The following NEO1 variants were observed in gnomAD, a reference collection of about 807,000 sequenced individuals.
The protein encoded by NEO1 is neogenin.
Under a neutral mutation model 159.7 loss-of-function variants are expected in NEO1, and 63 were observed. The ratio of observed to expected loss-of-function variants is 0.39; its 90% CI spans 0.32 to 0.49. The LOEUF is 0.49. Ranked by LOEUF, NEO1 falls within the 20% of genes least tolerant of loss-of-function variation. The pLI is 0.85. For synonymous variants in NEO1, 633 were observed against 662.0 expected (o/e 0.96, Z 0.67); for missense variants, 1,615 against 1,831.0 (o/e 0.88, Z 2.15).
At chr15:73,142,628 G>A (rs2032501349) in intron 5 of NEO1, among the ~76,000 whole-genome samples, 1 of 152,090 alleles carries the variant, frequency 6.6e-6, no homozygotes, top group South Asian at 2.1e-4. Flanking sequence ...GGATTTCAGG[G>A]GAGGGTAGAG....
intron 1 of NEO1, among the ~76,000 whole-genome samples, chr15:73,087,853 T>A (rs927436151): frequency 3.9e-5 from 6 of 152,128 alleles, no homozygotes; most frequent in African/African-American, 1.4e-4. Context: ...AAATACCATT[T>A]TATTTCTGGA....
At chr15:73,231,625 T>C (rs1482699861) in intron 7 of NEO1, among the ~76,000 whole-genome samples, 7 of 152,094 alleles carry the variant, frequency 4.6e-5, no homozygotes, top group Non-Finnish European at 5.9e-5. Flanking sequence ...TCCTAGCTGC[T>C]CAGGGAGGCT....
At chr15:73,235,670 C>T (rs1213333115) in intron 7 of NEO1, among the ~76,000 whole-genome samples, 3 of 152,176 alleles carry the variant, frequency 2.0e-5, no homozygotes, top group African/African-American at 7.2e-5. Context: ...AATGAATTGA[C>T]AAAACAGCAA....
chr15:73,101,861 T>C (rs761106148), intron 1 of NEO1, among the ~76,000 whole-genome samples: 2 of 152,260 alleles, frequency 1.3e-5, no homozygotes, highest in Non-Finnish European at 2.9e-5. Flanking sequence ...CTCAAGTCTC[T>C]CCTCTATTGC....
intron 4 of NEO1, among the ~76,000 whole-genome samples, chr15:73,135,434 A>G (rs1250624354): frequency 6.6e-6 from 1 of 152,120 alleles, no homozygotes; most frequent in Non-Finnish European, 1.5e-5. Flanking sequence ...CCCATGACTT[A>G]CTGTTTCGGA....
intron 1 of NEO1, among the ~76,000 whole-genome samples, chr15:73,088,615 A>G (rs2069498037): frequency 6.6e-6 from 1 of 152,120 alleles, no homozygotes; most frequent in Non-Finnish European, 1.5e-5. Context: ...AGGCAAGGCT[A>G]TCTTAATAGA....
At chr15:73,227,585 T>C (rs1030353169) in intron 7 of NEO1, among the ~76,000 whole-genome samples, 4 of 152,170 alleles carry the variant, frequency 2.6e-5, no homozygotes, top group African/African-American at 9.6e-5. Flanking sequence ...TACAACCCTG[T>C]GCAGGCCCTT....
chr15:73,280,360 G>C lies in NEO1; in HGVS notation c.3262+2161G>C, dbSNP rs547994171. ...AATGGCATATATATTGTCCCTGGTA[G>C]GACTGTTCTTTGGCAGCTCACTCTT... On this transcript the variant is annotated intron_variant, in intron 22 of 28. Transcript: ENST00000261908. Among the ~76,000 whole-genome samples the C allele has an allele frequency of 2.0e-5, 3 of 152,196 alleles. No homozygotes were observed. In the South Asian group the frequency reaches 6.2e-4, roughly 32 times the overall value.
At chr15:73,281,824 A>T (rs1297259146) in intron 22 of NEO1, among the ~76,000 whole-genome samples, 1 of 152,242 alleles carries the variant, frequency 6.6e-6, no homozygotes, top group Non-Finnish European at 1.5e-5. Context: ...GCATACATAA[A>T]TAATGAGTAG....
At chr15:73,154,546 AGTT>A (rs2033634613) in intron 5 of NEO1, among the ~76,000 whole-genome samples, 1 of 152,126 alleles carries the variant, frequency 6.6e-6, no homozygotes, top group South Asian at 2.1e-4. Context: ...CCATGAGTTC[AGTT>A]GTTTTCATTT....
intron 7 of NEO1, among the ~76,000 whole-genome samples, chr15:73,227,699 A>T (rs929216747): frequency 9.9e-5 from 15 of 152,202 alleles, no homozygotes; most frequent in Admixed American, 9.2e-4. Flanking sequence ...CCTTTTCTCA[A>T]ATAGATTTCC....
At chr15:73,178,199 A>G in intron 6 of NEO1, 108 bp from the exon 7 acceptor site, 2 of 1,027,922 alleles carry the variant, frequency 1.9e-6, no homozygotes, top group Non-Finnish European at 2.8e-6. Context: ...TAATTGGATC[A>G]TAAAAACTTT....
intron 5 of NEO1, among the ~76,000 whole-genome samples, chr15:73,137,578 C>T (rs1310383628): frequency 6.6e-6 from 1 of 152,158 alleles, no homozygotes; most frequent in Non-Finnish European, 1.5e-5. Context: ...CTCCCTGCAG[C>T]CTCGACCTCC....
At chr15:73,070,912 A>G (rs2068499199) in intron 1 of NEO1, among the ~76,000 whole-genome samples, 1 of 152,234 alleles carries the variant, frequency 6.6e-6, no homozygotes, top group African/African-American at 2.4e-5. Flanking sequence ...TTAAGATTAT[A>G]TCTTCAGTAG....
At chr15:73,231,090 A>G (rs1453116242) in intron 7 of NEO1, among the ~76,000 whole-genome samples, 1 of 152,210 alleles carries the variant, frequency 6.6e-6, no homozygotes, top group Non-Finnish European at 1.5e-5. Flanking sequence ...AAGAAATAAC[A>G]TAATTCAATA....
intron 1 of NEO1, among the ~76,000 whole-genome samples, chr15:73,102,619 C>T (rs1260572457): frequency 6.6e-6 from 1 of 152,188 alleles, no homozygotes; most frequent in African/African-American, 2.4e-5. Flanking sequence ...ATCTTCCTTT[C>T]TGATATATTC....
At chr15:73,158,208 CTTTTTTTTTTT>C (rs1047852394) in intron 5 of NEO1, among the ~76,000 whole-genome samples, 1 of 82,550 alleles carries the variant, frequency 1.2e-5, no homozygotes, top group Non-Finnish European at 2.2e-5. Flanking sequence ...GAGTGAGACT[CTTTTTTTTTTT>C]TTTTTTTTTT....
At chr15:73,226,601 T>C (rs958774850) in intron 7 of NEO1, among the ~76,000 whole-genome samples, 1 of 152,234 alleles carries the variant, frequency 6.6e-6, no homozygotes, top group Non-Finnish European at 1.5e-5. Flanking sequence ...GTATATGTGT[T>C]AACATTTCCC....
At position 73,074,483 on chromosome 15, in the gene NEO1, C is replaced by T. The variant is rs115935316; in HGVS notation, c.130+21678C>T. 9.8e-3 allele frequency among the ~76,000 whole-genome samples: 1,493 copies of T among 152,180 alleles called. 33 individuals are homozygous for T. Among genetic ancestry groups the T allele is most frequent in the African/African-American group, 0.034 (1,419 of 41,530 alleles). On this transcript the variant is annotated intron_variant, in intron 1 of 28. Transcript: ENST00000261908. ...AAATGAAGTGTTCCTTTGCATGTTT[C>T]TTTTTCTTATGCTTTATTTCTGTGA...
Sources: gnomAD v4.1 joint callset for allele counts (sites outside exome capture counted in the v4.1 genomes callset) on GRCh38, gnomAD v4.1.1 for gene constraint, MANE v1.5 for transcripts, NCBI Gene and HGNC (gene_info 2026-07-23, HGNC 2026-07-21) for gene names.